Variants in GRIA4 observed in about 807,000 individuals in gnomAD.
The protein encoded by GRIA4 is glutamate receptor 4.
A neutral mutation model predicts 104.0 loss-of-function variants in GRIA4; 34 were observed. The observed-to-expected ratio is 0.33, with a 90% CI of 0.25 to 0.44. The LOEUF (loss-of-function observed/expected upper bound fraction) is 0.44. GRIA4 is among the 20% of genes least tolerant of loss of function. The pLI, the probability that GRIA4 is intolerant of heterozygous loss-of-function variation, is 1.00. For missense variants in GRIA4, 750 were observed against 1,096.5 expected, an observed-to-expected ratio of 0.68 and a Z score of 4.46; for synonymous variants, 386 against 381.9, an observed-to-expected ratio of 1.01 and a Z score of -0.13.
rs112776674 is a variant in GRIA4 at position 105,814,779 on chromosome 11, C to A, written c.488-47245C>A. Among the ~76,000 whole-genome samples the A allele has an allele frequency of 2.4e-3, 366 of 152,294 alleles. 2 individuals are homozygous for A. The highest frequency in any genetic ancestry group is 8.4e-3 in the African/African-American group (350 of 41,574). On this transcript the variant is annotated intron_variant, in intron 4 of 16. Coordinates refer to ENST00000282499, the MANE Select transcript of GRIA4 (RefSeq NM_000829.4). ...ATTAGTATGAGCATCTATTCTCTTACAATCCTGTATAGCCCTTTCCCTTAT... is the reference window on the plus strand; with the variant it reads ...ATTAGTATGAGCATCTATTCTCTTAAAATCCTGTATAGCCCTTTCCCTTAT...
At chr11:105,913,368 A>G (rs916126223) in intron 10 of GRIA4, 1 of 523,500 alleles carries the variant, frequency 1.9e-6, no homozygotes, top group Non-Finnish European at 2.4e-6. Flanking sequence ...TTAATAATGA[A>G]TTTATTCTAC....
chr11:105,735,413 C>A (rs989105358), intron 3 of GRIA4, among the ~76,000 whole-genome samples: 2 of 152,026 alleles, frequency 1.3e-5, no homozygotes, highest in African/African-American at 4.8e-5. Flanking sequence ...GACCCATTAG[C>A]AAATATCCAC....
intron 8 of GRIA4, among the ~76,000 whole-genome samples, chr11:105,904,312 C>T (rs774670936): frequency 2.6e-4 from 40 of 152,144 alleles, no homozygotes; most frequent in Non-Finnish European, 4.3e-4. Flanking sequence ...CACTCGAGGA[C>T]GTAGGCTTGC....
intron 4 of GRIA4, among the ~76,000 whole-genome samples, chr11:105,852,762 T>C (rs1374779890): frequency 6.7e-6 from 1 of 150,042 alleles, no homozygotes; most frequent in African/African-American, 2.4e-5. Flanking sequence ...TACTTCATCC[T>C]GTGTTTTTTC....
chr11:105,914,412 G>A (rs568650999), intron 10 of GRIA4, among the ~76,000 whole-genome samples: 153 of 152,054 alleles, frequency 1.0e-3, no homozygotes, highest in African/African-American at 3.3e-3. Flanking sequence ...AATTATATTT[G>A]TAATGTTTAG....
chr11:105,671,403 G>A (rs1591537339), intron 3 of GRIA4, among the ~76,000 whole-genome samples: 2 of 152,042 alleles, frequency 1.3e-5, no homozygotes, highest in South Asian at 2.1e-4. Flanking sequence ...GGGGCTGGGT[G>A]TGGTGGCTCA....
chr11:105,883,349 A>G (rs891445196), intron 5 of GRIA4, among the ~76,000 whole-genome samples: 26 of 150,862 alleles, frequency 1.7e-4, no homozygotes, highest in African/African-American at 5.6e-4. Flanking sequence ...ACATATGTAT[A>G]CATGCGCCAT....
At chr11:105,839,150 G>A (rs1472756118) in intron 4 of GRIA4, among the ~76,000 whole-genome samples, 3 of 151,912 alleles carry the variant, frequency 2.0e-5, no homozygotes, top group Admixed American at 6.6e-5. Flanking sequence ...TACATTATAT[G>A]ACAGTTTCTA....
At chr11:105,635,228 G>A (rs1247255067) in intron 3 of GRIA4, among the ~76,000 whole-genome samples, 3 of 151,966 alleles carry the variant, frequency 2.0e-5, no homozygotes, top group African/African-American at 7.3e-5. Context: ...TGGTACTGGG[G>A]AAATTAACCT....
intron 4 of GRIA4, among the ~76,000 whole-genome samples, chr11:105,759,364 G>C (rs1940490275): frequency 6.6e-6 from 1 of 152,068 alleles, no homozygotes; most frequent in African/African-American, 2.4e-5. Context: ...ATTCGTGATA[G>C]CTTATTCTCT....
At chr11:105,853,827 T>A (rs1225397606) in intron 4 of GRIA4, among the ~76,000 whole-genome samples, 1 of 152,186 alleles carries the variant, frequency 6.6e-6, no homozygotes, top group East Asian at 1.9e-4. Flanking sequence ...TTTGGCATTA[T>A]GCCTGTATTA....
rs150990071 is a variant in GRIA4 at position 105,618,115 on chromosome 11, T to C, written c.247+5681T>C. Reference sequence around the variant, plus strand: ...CCAAGTGTCTTTGAGCCATTGAACATGGATTAGTCTGGTAATAGTATTGAA... The same window carrying C: ...CCAAGTGTCTTTGAGCCATTGAACACGGATTAGTCTGGTAATAGTATTGAA... On this transcript the variant is annotated intron_variant, in intron 3 of 16. Coordinates refer to ENST00000282499, the MANE Select transcript of GRIA4 (RefSeq NM_000829.4). Among the ~76,000 whole-genome samples the C allele has an allele frequency of 2.6e-3, 401 of 151,970 alleles. 5 individuals carry two copies. The highest frequency in any genetic ancestry group is 0.025 in the Admixed American group (374 of 15,234).
At chr11:105,900,442 C>T (rs1423118487) in intron 7 of GRIA4, among the ~76,000 whole-genome samples, 1 of 152,160 alleles carries the variant, frequency 6.6e-6, no homozygotes, top group Non-Finnish European at 1.5e-5. Flanking sequence ...CATTTCCCCA[C>T]CCTTTATCAC....
At chr11:105,738,920 T>TAAAAAAAAA (rs1208334069) in intron 3 of GRIA4, among the ~76,000 whole-genome samples, 4 of 49,238 alleles carry the variant, frequency 8.1e-5, no homozygotes, top group African/African-American at 3.1e-4. Flanking sequence ...AGTTGACAAG[T>TAAAAAAAAA]AAAAAAAAAC....
rs1309156104 is a variant in GRIA4, at chr11:105,621,137, G to T, written c.247+8703G>T. Among the ~76,000 whole-genome samples the T allele has an allele frequency of 4.0e-5, 6 of 151,872 alleles. No homozygotes were observed. In the East Asian group the frequency reaches 1.2e-3, roughly 29 times the overall value. On this transcript the variant is annotated intron_variant, in intron 3 of 16. Transcript: ENST00000282499. ...AGCCACTGTTTTTCCAGAAATAGCA[G>T]AAATTATACTATAAGCTATAATCAC...
rs1469341793 is a variant in GRIA4, at chr11:105,612,369, C to T, written c.182C>T (p.Pro61Leu). The T allele has an allele frequency of 1.2e-6, 2 of 1,614,032 alleles. No individual in the cohort carries two copies. Among genetic ancestry groups the T allele is most frequent in the Non-Finnish European group, 1.7e-6 (2 of 1,179,992 alleles). The change falls in exon 3 of 17, where the codon CCT becomes CTT. Residue 61 changes from proline to leucine, a missense_variant. Physicochemically the swap from Pro to Leu is moderately conservative, Grantham distance 98. This residue lies in a region of GRIA4 where 410 missense variants were observed against 502.7 expected (regional missense o/e 0.82). Transcript: ENST00000282499. ...ACCAGCCCCAATGCGTCGGAAGCTC[C>T]TTTTAATTTGGTACCTCATGTGGAC... ...HNTSPNASEA[P>L]FNLVPHVDNI...
At chr11:105,664,254 G>A (rs1204707661) in intron 3 of GRIA4, among the ~76,000 whole-genome samples, 1 of 150,184 alleles carries the variant, frequency 6.7e-6, no homozygotes, top group African/African-American at 2.5e-5. Context: ...CGGGGCACTG[G>A]ATAAGTGGAG....
At chr11:105,965,750 A>G (rs1175558785) in intron 14 of GRIA4, among the ~76,000 whole-genome samples, 1 of 152,194 alleles carries the variant, frequency 6.6e-6, no homozygotes, top group Non-Finnish European at 1.5e-5. Flanking sequence ...GAACAGCACC[A>G]AATACTGCAT....
At chr11:105,645,818 A>G (rs1034865852) in intron 3 of GRIA4, among the ~76,000 whole-genome samples, 3 of 152,212 alleles carry the variant, frequency 2.0e-5, no homozygotes, top group African/African-American at 7.2e-5. Context: ...AATTTTCTGA[A>G]GACAGATAAC....
Sources: allele counts gnomAD v4.1 joint callset (sites outside exome capture counted in the v4.1 genomes callset), GRCh38; gene constraint gnomAD v4.1.1; regional missense constraint gnomAD v4.1.1; transcripts MANE v1.5; gene names NCBI Gene and HGNC (gene_info 2026-07-23, HGNC 2026-07-21).